Variants in TNNI2 observed in about 807,000 individuals in gnomAD.
TNNI2 encodes troponin I, fast skeletal muscle.
A neutral mutation model predicts 26.5 loss-of-function variants in TNNI2; 14 were observed. The ratio of observed to expected loss-of-function variants is 0.53; its 90% CI spans 0.35 to 0.83. The LOEUF (loss-of-function observed/expected upper bound fraction) is 0.83. Among genes scored for constraint, TNNI2 ranks in the 40% least tolerant of loss-of-function variants. The probability of loss-of-function intolerance (pLI) is 0.01; values close to 1 mark genes in which losing one functional copy is unlikely to be tolerated. For missense variants in TNNI2, 205 were observed against 248.5 expected (o/e 0.82, Z 1.18); for synonymous variants, 126 against 97.6 (o/e 1.29, Z -1.71).
chr11:1,839,818 C>G (rs781437252), intron 2 of TNNI2, 31 bp from the exon 3 acceptor site: 10 of 1,613,734 alleles, frequency 6.2e-6, no homozygotes, highest in Middle Eastern at 1.6e-4. Flanking sequence ...CTTCTCTCCC[C>G]GTCCTGCCTG....
At position 1,840,850 on chromosome 11, in the gene TNNI2, A is replaced by G; in HGVS notation, c.218A>G (p.Asp73Gly). ...ELCKQLHAKIDAAEEEKYDME... is the reference protein window; with the variant it reads ...ELCKQLHAKIGAAEEEKYDME... ...TGCAAACAGCTGCACGCCAAGATCGATGCGGCTGAAGAGGAGAAGTACGAC... is the reference window on the plus strand; with the variant it reads ...TGCAAACAGCTGCACGCCAAGATCGGTGCGGCTGAAGAGGAGAAGTACGAC... Residue 73 changes from aspartate (D) to glycine (G), a missense_variant, in exon 6 of 8, where the codon GAT (aspartate) becomes GGT (glycine). Coordinates refer to ENST00000381911, the MANE Select transcript of TNNI2 (RefSeq NM_003282.4). The G allele has an allele frequency of 6.2e-7, 1 of 1,613,290 alleles. No individual in the cohort carries two copies.
intron 5 of TNNI2, 26 bp downstream of exon 5, chr11:1,840,682 G>T (rs2271441): frequency 1.9e-6 from 3 of 1,612,114 alleles, no homozygotes; most frequent in South Asian, 2.2e-5. Context: ...CGGCCACCCC[G>T]CCTCCCCAGC....
intron 1 of TNNI2, 141 bp from the exon 2 acceptor site, chr11:1,839,534 G>A (rs1589795422): frequency 1.3e-6 from 1 of 753,350 alleles, no homozygotes; most frequent in Non-Finnish European, 2.2e-6. Context: ...GGAGGTGAGA[G>A]TAGGGGGAGG....
intron 7 of TNNI2, 92 bp from the exon 8 acceptor site, chr11:1,841,364 T>G: frequency 6.5e-7 from 1 of 1,540,400 alleles, no homozygotes. Context: ...CACTGCCCAA[T>G]GCAGAGGGTA....
In TNNI2 at chr11:1,839,662, C is replaced by T. The variant is rs1344774139; in HGVS notation, c.-22-13C>T. On this transcript the variant is annotated splice_polypyrimidine_tract_variant and intron_variant, in intron 1 of 7. Coordinates refer to ENST00000381911, the MANE Select transcript of TNNI2 (RefSeq NM_003282.4). ...AGGGCCTGGCCAACACCTCTGTCTT[C>T]CTCTCCCCACAGGCTCCAAGCTCAG... is the stretch of plus-strand genomic sequence containing the variant. The T allele has an allele frequency of 3.7e-6, 6 of 1,613,398 alleles. No individual in the cohort carries two copies. In the African/African-American group the frequency reaches 4.0e-5, roughly 11 times the overall value.
chr11:1,841,527 G>A lies in TNNI2; in HGVS notation c.525G>A (p.Lys175=), dbSNP rs797046046. The change falls in exon 8 of 8, where the codon AAG becomes AAA. Residue 175 remains lysine, a synonymous_variant. Coordinates refer to ENST00000381911, the MANE Select transcript of TNNI2 (RefSeq NM_003282.4). ...IEEKSGMEGR[K]KMFESES is the part of the protein sequence containing the mutation. ...AGAAGTCTGGCATGGAGGGCCGGAA[G>A]AAGATGTTTGAGTCCGAGTCCTAGG... 2 of 1,614,156 alleles carry A rather than the reference G, an allele frequency of 1.2e-6. No individual in the cohort carries two copies. The highest frequency in any genetic ancestry group is 1.6e-4 in the Middle Eastern group (1 of 6,062).
intron 6 of TNNI2, 56 bp from the exon 7 acceptor site, chr11:1,840,975 C>G (rs559014225): frequency 6.3e-7 from 1 of 1,581,506 alleles, no homozygotes; most frequent in Admixed American, 1.8e-5. Context: ...CGGGGCGGGC[C>G]GGGGAGGCCG....
intron 1 of TNNI2, 200 bp from the exon 2 acceptor site, chr11:1,839,475 T>C: frequency 1.7e-6 from 1 of 597,314 alleles, no homozygotes; most frequent in East Asian, 2.8e-5. Flanking sequence ...TGGGAACACT[T>C]TCTCCTCTTA....
chr11:1,840,769 C>T (rs367672690), intron 5 of TNNI2, 50 bp from the exon 6 acceptor site: 321 of 1,600,512 alleles, frequency 2.0e-4, no homozygotes, highest in Admixed American at 5.8e-4. Flanking sequence ...GGCAGGTGAC[C>T]GTGGCTGCCA....
rs770307417 is a variant in TNNI2 at position 1,841,013 on chromosome 11, C to A, written c.277-18C>A. On this transcript the variant is annotated intron_variant, in intron 6 of 7. Coordinates refer to ENST00000381911, the MANE Select transcript of TNNI2 (RefSeq NM_003282.4). ...ACCACCGGGACCTCGGGCTCCCACC[C>A]GGCTCCCCTGCCCACAGCTGGAGGA... 2 of 1,610,670 alleles carry A rather than the reference C, an allele frequency of 1.2e-6. No individual in the cohort carries two copies. The highest frequency in any genetic ancestry group is 2.2e-5 in the South Asian group (2 of 90,812).
chr11:1,840,710 A>G, intron 5 of TNNI2, 54 bp downstream of exon 5: 2 of 1,611,116 alleles, frequency 1.2e-6, no homozygotes, highest in East Asian at 2.2e-5. Context: ...CTGCCTGCTA[A>G]CTCAGTTTCC....
intron 3 of TNNI2, 136 bp from the exon 4 acceptor site, chr11:1,840,267 C>T: frequency 1.3e-6 from 2 of 1,549,412 alleles, no homozygotes; most frequent in Non-Finnish European, 8.7e-7. Flanking sequence ...CCAGCCTGCC[C>T]ATCATGGCCT....
chr11:1,839,947 C>A, intron 3 of TNNI2, 92 bp downstream of exon 3: 1 of 1,570,002 alleles, frequency 6.4e-7, no homozygotes, highest in South Asian at 1.1e-5. Flanking sequence ...GCCCTAAGGC[C>A]CAGAGAAGAT....
intron 3 of TNNI2, 46 bp downstream of exon 3, chr11:1,839,901 C>T (rs778765500): frequency 1.2e-6 from 2 of 1,612,716 alleles, no homozygotes; most frequent in South Asian, 2.2e-5. Flanking sequence ...AGGGGGCTCC[C>T]CCAACTCAGC....
intron 3 of TNNI2, chr11:1,840,202 G>C: frequency 6.4e-7 from 1 of 1,551,174 alleles, no homozygotes. Context: ...ACCTGGCAAA[G>C]TGTCACACAC....
intron 2 of TNNI2, 41 bp downstream of exon 2, chr11:1,839,745 A>G (rs1847121591): frequency 6.2e-7 from 1 of 1,613,120 alleles, no homozygotes; most frequent in African/African-American, 1.3e-5. Flanking sequence ...GACCCTGCCC[A>G]CCTCCTGCCC....
chr11:1,839,832 C>A lies in TNNI2; in HGVS notation c.9-17C>A. 1 of 1,613,932 alleles carries A rather than the reference C, an allele frequency of 6.2e-7. No homozygotes were observed. Among genetic ancestry groups the A allele is most frequent in the East Asian group, 2.2e-5 (1 of 44,874 alleles). On this transcript the variant is annotated splice_polypyrimidine_tract_variant and intron_variant, in intron 2 of 7. Coordinates refer to ENST00000381911, the MANE Select transcript of TNNI2 (RefSeq NM_003282.4). ...TCTTCTCTCCCCGTCCTGCCTGCGT[C>A]CTCCCTCCCTGGACAGTGAGGAGGT...
At position 1,841,025 on chromosome 11, in the gene TNNI2, C is replaced by T. The variant is rs762006781; in HGVS notation, c.277-6C>T. 5 of 1,612,256 alleles carry T rather than the reference C, an allele frequency of 3.1e-6. No homozygotes were observed. In the Admixed American group the frequency reaches 5.0e-5, roughly 16 times the overall value. ...TCGGGCTCCCACCCGGCTCCCCTGC[C>T]CACAGCTGGAGGACATGAACCAGAA... On this transcript the variant is annotated splice_polypyrimidine_tract_variant and splice_region_variant and intron_variant, in intron 6 of 7. Coordinates refer to ENST00000381911, the MANE Select transcript of TNNI2 (RefSeq NM_003282.4).
chr11:1,840,503 C>T, intron 4 of TNNI2, 25 bp from the exon 5 acceptor site: 4 of 1,610,606 alleles, frequency 2.5e-6, no homozygotes, highest in Non-Finnish European at 3.4e-6. Flanking sequence ...CTGGCTGCAG[C>T]CCCTCACCGC....
Sources: gnomAD v4.1 joint callset for allele counts on GRCh38, gnomAD v4.1.1 for gene constraint, MANE v1.5 for transcripts, NCBI Gene and HGNC (gene_info 2026-07-23, HGNC 2026-07-21) for gene names.